Variants in DNM3 observed in about 807,000 individuals in gnomAD.
DNM3 encodes dynamin 3.
DNM3 carries 47 observed loss-of-function variants against 101.6 expected under a neutral mutation model. That is an observed-to-expected ratio of 0.46 (90% confidence interval 0.37 to 0.59). DNM3 has a LOEUF of 0.59. Ranked by LOEUF, DNM3 falls within the 20% of genes least tolerant of loss-of-function variation. The pLI is 0.00. For synonymous variants in DNM3, 385 were observed against 387.9 expected (o/e 0.99, Z 0.09); for missense variants, 849 against 1,085.7 (o/e 0.78, Z 3.06).
Position 172,257,423 on chromosome 1 carries a change from T to C in DNM3, c.1769+3741T>C, listed in dbSNP as rs186390585. Among the ~76,000 whole-genome samples the C allele has an allele frequency of 2.3e-3, 346 of 152,210 alleles. 1 individual carries two copies. The highest frequency in any genetic ancestry group is 7.8e-3 in the African/African-American group (325 of 41,558). ...CCAATTTTTGCTTGAGGCCAATCTA[T>C]GTTATTAGATTCATACAAATTTAGT... On this transcript the variant is annotated intron_variant, in intron 15 of 20. Coordinates refer to ENST00000627582, the MANE Select transcript of DNM3 (RefSeq NM_015569.5).
At chr1:171,934,718 A>G (rs1433682659) in intron 2 of DNM3, among the ~76,000 whole-genome samples, 1 of 152,174 alleles carries the variant, frequency 6.6e-6, no homozygotes, top group South Asian at 2.1e-4. Flanking sequence ...CAGGACACTC[A>G]GGGACTATTC....
chr1:172,328,410 G>A lies in DNM3; in HGVS notation c.1893+5070G>A, dbSNP rs1270549236. Among the ~76,000 whole-genome samples, 4 of 152,160 alleles carry A rather than the reference G, an allele frequency of 2.6e-5. No individual in the cohort carries two copies. The South Asian group carries it at 8.3e-4, about 31-fold the overall frequency. On this transcript the variant is annotated intron_variant, in intron 17 of 20. Coordinates refer to ENST00000627582, the MANE Select transcript of DNM3 (RefSeq NM_015569.5). ...AGCATAATATCTGGATAATGAAAAT[G>A]TGGCACATATACACCATGGAATACT...
chr1:172,106,360 G>T (rs1288557667), intron 13 of DNM3, among the ~76,000 whole-genome samples: 2 of 152,126 alleles, frequency 1.3e-5, no homozygotes, highest in African/African-American at 4.8e-5. Flanking sequence ...GAAGGAAGTT[G>T]CTGTGAGCCG....
At chr1:172,297,245 G>C (rs1341023907) in intron 15 of DNM3, among the ~76,000 whole-genome samples, 2 of 150,552 alleles carry the variant, frequency 1.3e-5, no homozygotes, top group Non-Finnish European at 1.5e-5. Context: ...TTGGTAATTT[G>C]TATTTTTAAA....
At chr1:172,208,041 C>T (rs1470712287) in intron 14 of DNM3, among the ~76,000 whole-genome samples, 1 of 151,850 alleles carries the variant, frequency 6.6e-6, no homozygotes, top group Non-Finnish European at 1.5e-5. Context: ...AAAAAAAAAT[C>T]CTTGCTTGTC....
At chr1:171,888,333 G>T (rs2036964625) in intron 1 of DNM3, among the ~76,000 whole-genome samples, 4 of 151,816 alleles carry the variant, frequency 2.6e-5, no homozygotes. Context: ...GAGTAGGGGG[G>T]GAATAATGTC....
At chr1:172,285,951 C>T (rs139697410) in intron 15 of DNM3, among the ~76,000 whole-genome samples, 6 of 152,150 alleles carry the variant, frequency 3.9e-5, no homozygotes, top group African/African-American at 1.2e-4. Context: ...TATGATTTCA[C>T]GATTGTTGTT....
At chr1:172,367,395 G>A (rs181670604) in intron 17 of DNM3, among the ~76,000 whole-genome samples, 87 of 151,866 alleles carry the variant, frequency 5.7e-4, no homozygotes, top group African/African-American at 1.7e-3. Flanking sequence ...TAATTCTACC[G>A]TCCTAAAAAC....
At chr1:171,956,154 TC>T (rs1192155087) in intron 2 of DNM3, among the ~76,000 whole-genome samples, 1 of 152,072 alleles carries the variant, frequency 6.6e-6, no homozygotes, top group Non-Finnish European at 1.5e-5. Context: ...AATCATGCCT[TC>T]CCAACAGTCC....
intron 20 of DNM3, among the ~76,000 whole-genome samples, chr1:172,396,709 T>C (rs1573737662): frequency 6.6e-6 from 1 of 152,356 alleles, no homozygotes. Flanking sequence ...ATCATGTAAA[T>C]ATTACCAGTA....
intron 13 of DNM3, among the ~76,000 whole-genome samples, chr1:172,123,747 A>G (rs532847545): frequency 6.6e-6 from 1 of 152,342 alleles, no homozygotes; most frequent in East Asian, 1.9e-4. Flanking sequence ...GGAAACAACA[A>G]GAGTGCCTCT....
chr1:172,253,076 G>A (rs2062243054), intron 14 of DNM3, among the ~76,000 whole-genome samples: 2 of 152,064 alleles, frequency 1.3e-5, no homozygotes, highest in African/African-American at 4.8e-5. Context: ...TGCCAACACT[G>A]GCTATCAAAA....
chr1:172,298,004 T>TAA (rs1184551082), intron 15 of DNM3, among the ~76,000 whole-genome samples: 11 of 152,186 alleles, frequency 7.2e-5, no homozygotes, highest in African/African-American at 2.7e-4. Context: ...TGTCCTTTTA[T>TAA]ATTTTTCCAC....
chr1:172,092,312 T>A (rs1458824022), intron 12 of DNM3, among the ~76,000 whole-genome samples: 1 of 151,898 alleles, frequency 6.6e-6, no homozygotes, highest in African/African-American at 2.4e-5. Context: ...TCACAAAGAG[T>A]TTGTGATGCG....
chr1:172,292,623 ACGCG>A (rs1553224124), intron 15 of DNM3, among the ~76,000 whole-genome samples: 2 of 147,772 alleles, frequency 1.4e-5, no homozygotes, highest in African/African-American at 5.1e-5. Flanking sequence ...ACACACACAC[ACGCG>A]CGTGCGTATA....
rs755055966 is a variant in DNM3 at position 172,044,390 on chromosome 1, G to A, written c.1134G>A (p.Glu378=). Residue 378 remains glutamate (E), a synonymous_variant, in exon 9 of 21, where the codon GAG becomes GAA. Transcript: ENST00000627582. The part of the protein sequence containing the change: ...ERFPFEIVKM[E]FNEKELRREI... ...GGCTCATTTTGCATCTGCAGATGGA[G>A]TTCAATGAGAAAGAATTGCGAAGAG... The A allele has an allele frequency of 6.2e-7, 1 of 1,607,040 alleles. No homozygotes were observed. Among genetic ancestry groups the A allele is most frequent in the South Asian group, 1.1e-5 (1 of 89,074 alleles).
At chr1:172,262,872 A>G (rs2062718633) in intron 15 of DNM3, among the ~76,000 whole-genome samples, 1 of 152,130 alleles carries the variant, frequency 6.6e-6, no homozygotes, top group African/African-American at 2.4e-5. Flanking sequence ...GGATTCACCC[A>G]AGATCTTATT....
At chr1:172,388,452 T>C in intron 19 of DNM3, 121 bp from the exon 20 acceptor site, 1 of 854,724 alleles carries the variant, frequency 1.2e-6, no homozygotes, top group Non-Finnish European at 1.8e-6. Context: ...TTTCATGACA[T>C]GAATTGGACT....
chr1:172,304,211 A>AAAAAAAAAAAAAAAAAAAAAC (rs1573379432), intron 15 of DNM3, among the ~76,000 whole-genome samples: 1 of 132,404 alleles, frequency 7.6e-6, no homozygotes. Context: ...GAAAGCAAAA[A>AAAAAAAAAAAAAAAAAAAAAC]AAAAAAAAAA....
Sources: gnomAD v4.1 joint callset for allele counts (sites outside exome capture counted in the v4.1 genomes callset) on GRCh38, gnomAD v4.1.1 for gene constraint, MANE v1.5 for transcripts, NCBI Gene and HGNC (gene_info 2026-07-23, HGNC 2026-07-21) for gene names.